CCDC91: variants seen among roughly 807,000 people sequenced by gnomAD.
CCDC91 encodes the protein coiled-coil domain containing 91.
In CCDC91, 48 loss-of-function variants were observed where a neutral mutation model predicts 63.2. The ratio of observed to expected loss-of-function variants is 0.76; its 90% CI spans 0.60 to 0.97. CCDC91 has a LOEUF of 0.97. Ranked by LOEUF, CCDC91 falls within the 50% of genes least tolerant of loss-of-function variation. The pLI is 0.00. For synonymous variants in CCDC91, 167 were observed against 165.8 expected, an observed-to-expected ratio of 1.01 and a Z score of -0.06; for missense variants, 500 against 494.6, an observed-to-expected ratio of 1.01 and a Z score of -0.10.
At chr12:28,517,653 G>T (rs1265326183) in intron 12 of CCDC91, among the ~76,000 whole-genome samples, 2 of 151,840 alleles carry the variant, frequency 1.3e-5, no homozygotes, top group African/African-American at 4.8e-5. Flanking sequence ...TTCTTCAGTG[G>T]TGATTTGTGA....
chr12:28,369,323 A>G (rs1315911494), intron 7 of CCDC91, among the ~76,000 whole-genome samples: 1 of 152,196 alleles, frequency 6.6e-6, no homozygotes, highest in African/African-American at 2.4e-5. Flanking sequence ...TGAGTCTGAA[A>G]CCCAGCAGGA....
chr12:28,227,931 T>C (rs1423652620), intron 1 of CCDC91, among the ~76,000 whole-genome samples: 1 of 152,142 alleles, frequency 6.6e-6, no homozygotes, highest in Non-Finnish European at 1.5e-5. Flanking sequence ...GGAGGTGATA[T>C]AGAAATTTTC....
rs115598341 is a variant in CCDC91 at position 28,368,211 on chromosome 12, G to A, written c.654+5696G>A. On this transcript the variant is annotated intron_variant, in intron 7 of 12. Coordinates refer to ENST00000536442, the MANE Select transcript of CCDC91 (RefSeq NM_018318.5). ...ACAGAATAACAGAAATATGATAGAC[G>A]TTTCATCAGAAACTATGGAGGTCAG... Among the ~76,000 whole-genome samples, 1,433 of 152,208 alleles carry A rather than the reference G, an allele frequency of 9.4e-3. 27 individuals carry two copies. The highest frequency in any genetic ancestry group is 0.032 in the African/African-American group (1,334 of 41,524).
At chr12:28,504,674 C>A (rs1291643187) in intron 12 of CCDC91, among the ~76,000 whole-genome samples, 1 of 151,930 alleles carries the variant, frequency 6.6e-6, no homozygotes, top group African/African-American at 2.4e-5. Flanking sequence ...TTTACTCTTA[C>A]ACTTCAAAGT....
intron 1 of CCDC91, among the ~76,000 whole-genome samples, chr12:28,211,582 C>T (rs1274957805): frequency 1.3e-5 from 2 of 152,142 alleles, no homozygotes; most frequent in Non-Finnish European, 2.9e-5. Context: ...TTGTTGTTCA[C>T]TTGGAATGTT....
At chr12:28,336,184 A>T (rs891002962) in intron 6 of CCDC91, among the ~76,000 whole-genome samples, 2 of 152,084 alleles carry the variant, frequency 1.3e-5, no homozygotes, top group African/African-American at 4.8e-5. Flanking sequence ...ATTCAGAAGA[A>T]CAGGATACTC....
intron 8 of CCDC91, among the ~76,000 whole-genome samples, chr12:28,396,736 G>A (rs1946320902): frequency 6.6e-6 from 1 of 151,700 alleles, no homozygotes; most frequent in African/African-American, 2.4e-5. Flanking sequence ...ATATAAGTAT[G>A]TTTTTATGTA....
At chr12:28,532,708 A>G (rs993690717) in intron 12 of CCDC91, among the ~76,000 whole-genome samples, 1 of 152,116 alleles carries the variant, frequency 6.6e-6, no homozygotes, top group Non-Finnish European at 1.5e-5. Context: ...CATGTTTTAT[A>G]ACTAGGAAGC....
At chr12:28,233,178 G>A (rs377108177) in intron 1 of CCDC91, among the ~76,000 whole-genome samples, 23 of 152,020 alleles carry the variant, frequency 1.5e-4, no homozygotes, top group Non-Finnish European at 2.9e-4. Flanking sequence ...CAATACTCCA[G>A]TCAAGATACA....
intron 6 of CCDC91, among the ~76,000 whole-genome samples, chr12:28,353,855 C>G (rs1284350906): frequency 6.6e-6 from 1 of 151,872 alleles, no homozygotes; most frequent in East Asian, 1.9e-4. Flanking sequence ...AAAAATGGTG[C>G]TGATTCATGG....
At chr12:28,429,465 A>G (rs1738438935) in intron 8 of CCDC91, among the ~76,000 whole-genome samples, 1 of 152,134 alleles carries the variant, frequency 6.6e-6, no homozygotes, top group South Asian at 2.1e-4. Context: ...GCCTTTAATA[A>G]GCTAGTAACA....
At chr12:28,232,864 C>T (rs979434566) in intron 1 of CCDC91, among the ~76,000 whole-genome samples, 13 of 151,480 alleles carry the variant, frequency 8.6e-5, no homozygotes, top group African/African-American at 3.2e-4. Context: ...GCCTGTAATC[C>T]CAGCTACTCA....
intron 6 of CCDC91, among the ~76,000 whole-genome samples, chr12:28,357,914 G>A (rs1228290615): frequency 6.6e-6 from 1 of 152,068 alleles, no homozygotes; most frequent in Admixed American, 6.6e-5. Context: ...GTCAAATTTG[G>A]CTTGACTCCT....
chr12:28,192,597 T>TATGTATA (rs1240562309), intron 1 of CCDC91, among the ~76,000 whole-genome samples: 7 of 152,228 alleles, frequency 4.6e-5, no homozygotes, highest in Non-Finnish European at 7.3e-5. Context: ...GTATATCTGT[T>TATGTATA]TCTTATTTAC....
At chr12:28,356,386 C>A (rs1177316959) in intron 6 of CCDC91, among the ~76,000 whole-genome samples, 1 of 152,016 alleles carries the variant, frequency 6.6e-6, no homozygotes. Context: ...TCTTTTTTTG[C>A]ACTACTCTGG....
At chr12:28,346,776 A>G (rs575316803) in intron 6 of CCDC91, among the ~76,000 whole-genome samples, 1 of 152,154 alleles carries the variant, frequency 6.6e-6, no homozygotes, top group Non-Finnish European at 1.5e-5. Flanking sequence ...TTGGTTATTT[A>G]TAGTGGCTTT....
intron 6 of CCDC91, among the ~76,000 whole-genome samples, chr12:28,309,427 T>C (rs1374352440): frequency 6.6e-6 from 1 of 152,116 alleles, no homozygotes; most frequent in Admixed American, 6.6e-5. Flanking sequence ...AAGTTTTATC[T>C]CTAACCTAGT....
intron 6 of CCDC91, among the ~76,000 whole-genome samples, chr12:28,321,108 C>G (rs1940452967): frequency 6.6e-6 from 1 of 151,750 alleles, no homozygotes; most frequent in South Asian, 2.1e-4. Context: ...ATAGTAAATG[C>G]TATTTGAGCA....
chr12:28,403,473 A>T (rs1330781887), intron 8 of CCDC91, among the ~76,000 whole-genome samples: 1 of 152,052 alleles, frequency 6.6e-6, no homozygotes, highest in Non-Finnish European at 1.5e-5. Context: ...CTCTAATTTC[A>T]TGTGGCAGAA....
Sources: gnomAD v4.1 joint callset for allele counts (sites outside exome capture counted in the v4.1 genomes callset) on GRCh38, gnomAD v4.1.1 for gene constraint, MANE v1.5 for transcripts, NCBI Gene and HGNC (gene_info 2026-07-23, HGNC 2026-07-21) for gene names.